The following MYADM variants were observed in gnomAD, a reference collection of about 807,000 sequenced individuals.
MYADM encodes the protein myeloid-associated differentiation marker.
For missense variants in MYADM, 416 were observed against 443.4 expected (o/e 0.94, Z 0.56); for synonymous variants, 224 against 210.2 (o/e 1.07, Z -0.57).
chr19:53,873,605 G>A lies in MYADM; in HGVS notation c.76G>A (p.Val26Met), dbSNP rs140387622. 1.0e-3 allele frequency: 1,662 copies of A among 1,613,986 alleles called. 27 individuals are homozygous for A. In the East Asian group the frequency reaches 0.033, roughly 32 times the overall value. The change falls in exon 3 of 3, where the codon GTG becomes ATG. Residue 26 changes from valine (V) to methionine (M), a missense_variant. Val to Met is a conservative substitution (Grantham distance 21). Coordinates refer to ENST00000391770, the MANE Select transcript of MYADM (RefSeq NM_138373.5). This position sits in a 1 kb window ranked among gnomAD's most constrained non-coding sequence, Gnocchi z 4.3. ...TTCGGGCCTGGGGTCCCCCATGATC[G>A]TGGGGTCCCCTCGGGCCCTGACACA... is the stretch of plus-strand genomic sequence containing the variant. The part of the protein sequence containing the change: ...SSSGLGSPMI[V>M]GSPRALTQPL...
In MYADM at chr19:53,873,556, C is replaced by T; in HGVS notation, c.27C>T (p.Thr9=). The change falls in exon 3 of 3, where the codon ACC becomes ACT. Residue 9 remains threonine (T), a synonymous_variant. Transcript: ENST00000391770. This position sits in a 1 kb window ranked among gnomAD's most constrained non-coding sequence, Gnocchi z 4.3. The part of the protein sequence containing the change: MPVTVTRT[T]ITTTTTSSSG... ...TGCCAGTGACGGTAACCCGCACCAC[C>T]ATCACAACCACCACGACGTCATCTT... 1 of 1,608,778 alleles carries T rather than the reference C, an allele frequency of 6.2e-7. No individual in the cohort carries two copies. Among genetic ancestry groups the T allele is most frequent in the South Asian group, 1.1e-5 (1 of 90,890 alleles).
upstream of MYADM, chr19:53,866,097 A>C (rs1599903391): frequency 2.7e-5 from 4 of 146,890 alleles, no homozygotes; most frequent in Admixed American, 1.3e-4. The surrounding 1 kb of genome is among the most constrained non-coding windows in gnomAD (Gnocchi z 4.3). Context: ...CCCCCTCTCC[A>C]CTCCTGCAGA....
chr19:53,866,194 G>C (rs995162662), upstream of MYADM: 3 of 152,574 alleles, frequency 2.0e-5, no homozygotes, highest in Non-Finnish European at 4.4e-5. This position sits in a 1 kb window ranked among gnomAD's most constrained non-coding sequence, Gnocchi z 4.3. Flanking sequence ...GACCCCTTCC[G>C]ACTGCTCCCT....
Position 53,874,721 on chromosome 19 carries a change from T to C in MYADM, c.*223T>C, listed in dbSNP as rs1599927787. The C allele has an allele frequency of 2.2e-6, 1 of 461,734 alleles. No individual in the cohort carries two copies. Among genetic ancestry groups the C allele is most frequent in the African/African-American group, 2.0e-5 (1 of 49,068 alleles). The allele number at this position is 461,734 out of a possible 1,614,324, so 28.6% of individuals were successfully genotyped here. On this transcript the variant is annotated 3_prime_UTR_variant, in exon 3 of 3. Coordinates refer to ENST00000391770, the MANE Select transcript of MYADM (RefSeq NM_138373.5). ...CTTGCTGTTTCCTTCCTGTGTTGTT[T>C]TGTTGCCCACATCCTGTTTTCACCC...
In MYADM at chr19:53,873,371, C is replaced by CA. The variant is rs112349507; in HGVS notation, c.-2-144dup. On this transcript the variant is annotated intron_variant, in intron 2 of 2. Transcript: ENST00000391770. This position sits in a 1 kb window ranked among gnomAD's most constrained non-coding sequence, Gnocchi z 4.3. ...TGGGCCACAGAGCAAGACTCTGTCT[C>CA]AAAAAAAAAAAAAGAAAAGAAAACC... is the stretch of plus-strand genomic sequence containing the variant. Among the ~76,000 whole-genome samples the CA allele has an allele frequency of 0.18, 23,829 of 135,458 alleles. 3,362 individuals carry two copies. Among genetic ancestry groups the CA allele is most frequent in the African/African-American group, 0.4 (15,279 of 37,966 alleles). The allele number at this position is 135,458 out of a possible 152,430, so 88.9% of individuals were successfully genotyped here.
intron 2 of MYADM, among the ~76,000 whole-genome samples, chr19:53,871,742 G>A (rs2068394400): frequency 6.6e-6 from 1 of 152,070 alleles, no homozygotes; most frequent in Admixed American, 6.6e-5. Context: ...TGCTCACAGG[G>A]TCTGGGGTGC....
chr19:53,867,049 G>A (rs113770066), upstream of MYADM, among the ~76,000 whole-genome samples: 1,915 of 152,132 alleles, frequency 0.013, 39 homozygotes, highest in African/African-American at 0.044. Flanking sequence ...CTGCTACCGC[G>A]CTAGCTCCCA....
rs2068458289 is a variant in MYADM at position 53,874,002 on chromosome 19, C to A, written c.473C>A (p.Thr158Asn). Residue 158 changes from threonine to asparagine, a missense_variant, in exon 3 of 3, where the codon ACC (threonine) becomes AAC (asparagine). Thr to Asn is a moderately conservative substitution (Grantham distance 65). Coordinates refer to ENST00000391770, the MANE Select transcript of MYADM (RefSeq NM_138373.5). ...CVAYATEVAWTRARPGEITGY... is the reference protein window; with the variant it reads ...CVAYATEVAWNRARPGEITGY... ...GCTTACGCCACCGAAGTGGCCTGGACCCGGGCCCGGCCCGGCGAGATCACT... is the reference window on the plus strand; with the variant it reads ...GCTTACGCCACCGAAGTGGCCTGGAACCGGGCCCGGCCCGGCGAGATCACT... 4 of 1,608,708 alleles carry A rather than the reference C, an allele frequency of 2.5e-6. No individual in the cohort carries two copies. Among genetic ancestry groups the A allele is most frequent in the South Asian group, 1.1e-5 (1 of 91,088 alleles).
chr19:53,874,641 C>G lies in MYADM; in HGVS notation c.*143C>G, dbSNP rs1295425010. On this transcript the variant is annotated 3_prime_UTR_variant, in exon 3 of 3. Coordinates refer to ENST00000391770, the MANE Select transcript of MYADM (RefSeq NM_138373.5). ...TCCCTCCCACCTTTTTCTTTCCTTC[C>G]CAATTCCTTGCACTCTAACCAGTTC... 1 of 951,562 alleles carries G rather than the reference C, an allele frequency of 1.1e-6. No individual in the cohort carries two copies. Among genetic ancestry groups the G allele is most frequent in the Non-Finnish European group, 1.5e-6 (1 of 657,660 alleles). 58.9% of individuals were successfully genotyped at this position (951,562 alleles called of 1,614,324 possible). A position where few individuals can be genotyped will look rare whatever the true frequency, so the allele number is the denominator to read the frequency against.
chr19:53,874,043 G>C lies in MYADM; in HGVS notation c.514G>C (p.Val172Leu). Reference sequence around the variant, plus strand: ...CGAGATCACTGGCTATATGGCCACCGTACCCGGGCTGCTGAAGGTGCTGGA... The same window carrying C: ...CGAGATCACTGGCTATATGGCCACCCTACCCGGGCTGCTGAAGGTGCTGGA... ...PGEITGYMAT[V>L]PGLLKVLETF... is the part of the protein sequence containing the mutation. The change falls in exon 3 of 3, where the codon GTA becomes CTA. Residue 172 changes from valine (V) to leucine (L), a missense_variant. Physicochemically the swap from Val to Leu is conservative, Grantham distance 32. Coordinates refer to ENST00000391770, the MANE Select transcript of MYADM (RefSeq NM_138373.5). 1 of 1,609,436 alleles carries C rather than the reference G, an allele frequency of 6.2e-7. No individual in the cohort carries two copies. Among genetic ancestry groups the C allele is most frequent in the Non-Finnish European group, 8.5e-7 (1 of 1,180,016 alleles).
At chr19:53,872,254 G>A (rs1053819084) in intron 2 of MYADM, among the ~76,000 whole-genome samples, 2 of 151,926 alleles carry the variant, frequency 1.3e-5, no homozygotes, top group Non-Finnish European at 2.9e-5. Context: ...GGAGTGCAGG[G>A]GTTCTATCTT....
In MYADM at chr19:53,874,573, TCTTTCCTCCGC is replaced by T. The variant is rs570066723; in HGVS notation, c.*84_*94del. The T allele has an allele frequency of 1.9e-4, 278 of 1,475,200 alleles. No individual in the cohort carries two copies. Among genetic ancestry groups the T allele is most frequent in the Non-Finnish European group, 1.3e-5 (14 of 1,106,048 alleles). 91.4% of individuals were successfully genotyped at this position (1,475,200 alleles called of 1,614,324 possible). ...GCCCGAGTTTTCTTTATGGAGTACTTCTTTCCTCCGCCTTTCCTCTGTTTTCCTCTTCCTGT... is the reference window on the plus strand; with the variant it reads ...GCCCGAGTTTTCTTTATGGAGTACTTCTTTCCTCTGTTTTCCTCTTCCTGT... On this transcript the variant is annotated 3_prime_UTR_variant, in exon 3 of 3. Coordinates refer to ENST00000391770, the MANE Select transcript of MYADM (RefSeq NM_138373.5).
chr19:53,872,753 T>C, intron 2 of MYADM: 1 of 152,564 alleles, frequency 6.6e-6, no homozygotes, highest in Non-Finnish European at 1.5e-5. Flanking sequence ...CAAGCAATCC[T>C]CCTGCCTCAG....
At chr19:53,866,893 G>T (rs559523080), upstream of MYADM, among the ~76,000 whole-genome samples, 1 of 152,226 alleles carries the variant, frequency 6.6e-6, no homozygotes, top group Admixed American at 6.5e-5. The surrounding 1 kb of genome is among the most constrained non-coding windows in gnomAD (Gnocchi z 4.3). Context: ...CGAACTCCTG[G>T]GCTCAAGGGA....
Position 53,873,650 on chromosome 19 carries a change from C to G in MYADM, c.121C>G (p.Leu41Val). 6.2e-7 allele frequency: 1 copy of G among 1,614,204 alleles called. No homozygotes were observed. Among genetic ancestry groups the G allele is most frequent in the East Asian group, 2.2e-5 (1 of 44,878 alleles). The change falls in exon 3 of 3, where the codon CTG becomes GTG. Residue 41 changes from leucine to valine, a missense_variant. By Grantham distance (32) the Leu-to-Val change is conservative (BLOSUM62 1). Coordinates refer to ENST00000391770, the MANE Select transcript of MYADM (RefSeq NM_138373.5). This position sits in a 1 kb window ranked among gnomAD's most constrained non-coding sequence, Gnocchi z 4.3. ...ALTQPLGLLR[L>V]LQLVSTCVAF... ...GACACAGCCCCTGGGTCTCCTTCGCCTGCTGCAGCTGGTGTCTACCTGCGT... is the reference window on the plus strand; with the variant it reads ...GACACAGCCCCTGGGTCTCCTTCGCGTGCTGCAGCTGGTGTCTACCTGCGT...
rs538389965 is a variant in MYADM, at chr19:53,873,141, G to A, written c.-2-387G>A. Among the ~76,000 whole-genome samples the A allele has an allele frequency of 2.4e-3, 358 of 152,282 alleles. 2 individuals carry two copies. The highest frequency in any genetic ancestry group is 8.3e-3 in the African/African-American group (345 of 41,564). ...AATCCCAGCACTTTGGGAGGCCAAG[G>A]CCAGCGGATCATGAGGTCAGGAGAT... On this transcript the variant is annotated intron_variant, in intron 2 of 2. Coordinates refer to ENST00000391770, the MANE Select transcript of MYADM (RefSeq NM_138373.5). The surrounding 1 kb of genome is among the most constrained non-coding windows in gnomAD (Gnocchi z 4.3).
chr19:53,874,184 A>G lies in MYADM; in HGVS notation c.655A>G (p.Ile219Val), dbSNP rs747539869. ...VYAICFILAA[I>V]AILLNLGECT... Reference sequence around the variant, plus strand: ...CGCCATCTGCTTCATCCTAGCGGCCATCGCCATCCTGCTGAACCTGGGGGA... The same window carrying G: ...CGCCATCTGCTTCATCCTAGCGGCCGTCGCCATCCTGCTGAACCTGGGGGA... Residue 219 changes from isoleucine to valine, a missense_variant, in exon 3 of 3, where the codon ATC becomes GTC. By Grantham distance (29) the Ile-to-Val change is conservative. Transcript: ENST00000391770. 47 of 1,613,990 alleles carry G rather than the reference A, an allele frequency of 2.9e-5. No individual in the cohort carries two copies. In the East Asian group the frequency reaches 1.0e-3, roughly 34 times the overall value.
chr19:53,870,412 G>GCCTGGGCT (rs1303780204), intron 2 of MYADM, among the ~76,000 whole-genome samples: 2 of 134,450 alleles, frequency 1.5e-5, no homozygotes, highest in South Asian at 4.3e-4. Flanking sequence ...GGGGCTGGGG[G>GCCTGGGCT]CCTGGGCTCC....
At chr19:53,871,569 G>A (rs546118691) in intron 2 of MYADM, among the ~76,000 whole-genome samples, 32 of 152,264 alleles carry the variant, frequency 2.1e-4, no homozygotes, top group African/African-American at 7.7e-4. Context: ...AGGGAGGGGA[G>A]ATCTCTTGGT....
Sources: allele counts gnomAD v4.1 joint callset (sites outside exome capture counted in the v4.1 genomes callset), GRCh38; gene constraint gnomAD v4.1.1; non-coding constraint Gnocchi (gnomAD v3.1); transcripts MANE v1.5; gene names NCBI Gene and HGNC (gene_info 2026-07-23, HGNC 2026-07-21).